The following UTRN variants were observed in gnomAD, a reference collection of about 807,000 sequenced individuals.
UTRN encodes utrophin.
In UTRN, 283 loss-of-function variants were observed where a neutral mutation model predicts 463.9. The ratio of observed to expected loss-of-function variants is 0.61; its 90% CI spans 0.55 to 0.67. UTRN has a LOEUF of 0.67. Ranked by LOEUF, UTRN falls within the 30% of genes least tolerant of loss-of-function variation. The pLI is 0.00. For missense variants in UTRN, 3,922 were observed against 4,084.3 expected, an observed-to-expected ratio of 0.96 and a Z score of 1.08; for synonymous variants, 1,442 against 1,431.5, an observed-to-expected ratio of 1.01 and a Z score of -0.17.
intron 51 of UTRN, among the ~76,000 whole-genome samples, chr6:144,621,914 C>T (rs1171711272): frequency 6.6e-6 from 1 of 152,018 alleles, no homozygotes; most frequent in East Asian, 1.9e-4. Context: ...TCCTCTTCCT[C>T]CTTGTCCTCC....
At chr6:144,471,035 AGGGAGGGGGAGAGGGAGG>A (rs1790562523) in intron 23 of UTRN, among the ~76,000 whole-genome samples, 2 of 69,458 alleles carry the variant, frequency 2.9e-5, no homozygotes, top group South Asian at 5.7e-4. Context: ...GAGGGAGACG[AGGGAGGGGGAGAGGGAGG>A]GGGAGAGGGA....
intron 65 of UTRN, among the ~76,000 whole-genome samples, chr6:144,806,956 G>T (rs1778202928): frequency 6.6e-6 from 1 of 151,952 alleles, no homozygotes; most frequent in Admixed American, 6.6e-5. Context: ...TTTTATTTAT[G>T]GTTCATCCAT....
Position 144,835,785 on chromosome 6 carries a change from A to G in UTRN, c.9671A>G (p.Asp3224Gly). The change falls in exon 70 of 75, where the codon GAC (aspartate) becomes GGC (glycine). Residue 3224 changes from aspartate (D) to glycine (G), a missense_variant. By Grantham distance (94) the Asp-to-Gly change is moderately conservative (BLOSUM62 -1). Coordinates refer to ENST00000367545, the MANE Select transcript of UTRN (RefSeq NM_007124.3). ...TGTTTCCTTTGTCTTGCTAGGGAAG[A>G]CGAGCACGCCCTCATCCAGCAGTAT... Reference protein sequence around the residue: ...DSSSTTGSVEDEHALIQQYCQ... With the variant: ...DSSSTTGSVEGEHALIQQYCQ... The G allele has an allele frequency of 1.2e-6, 2 of 1,613,996 alleles. No individual in the cohort carries two copies. Among genetic ancestry groups the G allele is most frequent in the South Asian group, 2.2e-5 (2 of 91,060 alleles).
intron 53 of UTRN, among the ~76,000 whole-genome samples, chr6:144,718,455 C>A (rs927382038): frequency 6.6e-6 from 1 of 152,162 alleles, no homozygotes; most frequent in Non-Finnish European, 1.5e-5. Flanking sequence ...GAGTGAGACC[C>A]TGTCTCTTAA....
chr6:144,846,001 G>C (rs1485956302), intron 73 of UTRN, among the ~76,000 whole-genome samples: 2 of 151,936 alleles, frequency 1.3e-5, no homozygotes, highest in African/African-American at 4.8e-5. Flanking sequence ...ACTTTTATTT[G>C]ACCAAGAACA....
intron 53 of UTRN, among the ~76,000 whole-genome samples, chr6:144,723,669 C>A (rs951406157): frequency 1.3e-5 from 2 of 152,120 alleles, no homozygotes; most frequent in African/African-American, 4.8e-5. Context: ...ACAGAATGAG[C>A]TCTTACTTTG....
intron 59 of UTRN, among the ~76,000 whole-genome samples, chr6:144,772,580 G>A (rs1001901124): frequency 4.6e-5 from 7 of 152,016 alleles, no homozygotes; most frequent in South Asian, 2.1e-4. Context: ...AGCTTTGCAC[G>A]CAAAAAATAT....
intron 53 of UTRN, 135 bp from the exon 54 acceptor site, chr6:144,730,222 C>G: frequency 2.0e-6 from 2 of 1,003,976 alleles, no homozygotes; most frequent in Non-Finnish European, 2.6e-6. Flanking sequence ...TACATTTTGG[C>G]TTCTAACTTA....
chr6:144,437,442 G>T (rs951418099), intron 10 of UTRN, 123 bp from the exon 11 acceptor site: 3 of 857,532 alleles, frequency 3.5e-6, no homozygotes, highest in Admixed American at 3.7e-5. Context: ...TTTTATTTGC[G>T]CTCTACTAGG....
intron 26 of UTRN, among the ~76,000 whole-genome samples, chr6:144,481,768 C>A (rs1791894522): frequency 6.6e-6 from 1 of 152,206 alleles, no homozygotes; most frequent in African/African-American, 2.4e-5. Flanking sequence ...TTCAAAAACG[C>A]TCAACTGGGC....
chr6:144,485,473 C>CA lies in UTRN; in HGVS notation c.3777dup (p.Glu1260ArgfsTer5). 6.2e-7 allele frequency: 1 copy of CA among 1,614,092 alleles called. No individual in the cohort carries two copies. The highest frequency in any genetic ancestry group is 1.7e-5 in the Admixed American group (1 of 60,012). ...ACTTTGGAAGAGCGGATGAAGAGCA[C>CA]AGAGGTCCTGCCTGAGAAGACGGAT... On this transcript the variant is annotated frameshift_variant, in exon 28 of 75. Coordinates refer to ENST00000367545, the MANE Select transcript of UTRN (RefSeq NM_007124.3). LOFTEE classifies it high-confidence loss of function.
intron 54 of UTRN, among the ~76,000 whole-genome samples, chr6:144,746,639 G>A (rs1790777549): frequency 6.6e-6 from 1 of 151,346 alleles, no homozygotes; most frequent in African/African-American, 2.4e-5. Flanking sequence ...AGCACACCTG[G>A]CTAGTTTTTA....
At chr6:144,832,987 T>C (rs1430979208) in intron 69 of UTRN, among the ~76,000 whole-genome samples, 1 of 152,090 alleles carries the variant, frequency 6.6e-6, no homozygotes, top group Non-Finnish European at 1.5e-5. Context: ...GCCCAACTAA[T>C]TTTTGTATTT....
intron 51 of UTRN, among the ~76,000 whole-genome samples, chr6:144,633,453 C>T (rs748586134): frequency 3.3e-5 from 5 of 151,860 alleles, no homozygotes; most frequent in Non-Finnish European, 7.4e-5. Context: ...AGAATGATCT[C>T]GATCTCCTGA....
chr6:144,347,642 T>G (rs1777696704), intron 2 of UTRN, among the ~76,000 whole-genome samples: 12 of 152,140 alleles, frequency 7.9e-5, no homozygotes, highest in Admixed American at 7.9e-4. Context: ...AACAGGTGGC[T>G]GATCTGGGGG....
At chr6:144,696,790 G>A (rs1784048648) in intron 52 of UTRN, among the ~76,000 whole-genome samples, 1 of 152,120 alleles carries the variant, frequency 6.6e-6, no homozygotes, top group African/African-American at 2.4e-5. Context: ...CTTGTGCTGA[G>A]TAAATGAAAA....
At chr6:144,799,547 T>G in intron 64 of UTRN, 5 of 468,844 alleles carry the variant, frequency 1.1e-5, no homozygotes, top group Non-Finnish European at 2.2e-5. Context: ...CATAGATGTA[T>G]GGGAGAGGGA....
intron 2 of UTRN, among the ~76,000 whole-genome samples, chr6:144,360,709 C>G (rs1030713008): frequency 6.6e-6 from 1 of 152,232 alleles, no homozygotes; most frequent in African/African-American, 2.4e-5. Context: ...TTCTCCAGCT[C>G]TCTTGCATCT....
At chr6:144,474,455 T>C (rs1208867626) in intron 24 of UTRN, 149 bp from the exon 25 acceptor site, 2 of 837,856 alleles carry the variant, frequency 2.4e-6, no homozygotes, top group East Asian at 6.1e-5. Flanking sequence ...AATGAGTTTC[T>C]TAAGGCACAA....
Sources: allele counts gnomAD v4.1 joint callset (sites outside exome capture counted in the v4.1 genomes callset), GRCh38; gene constraint gnomAD v4.1.1; transcripts MANE v1.5; gene names NCBI Gene and HGNC (gene_info 2026-07-23, HGNC 2026-07-21).